CNBD1: variants seen among roughly 807,000 people sequenced by gnomAD.
CNBD1 encodes cyclic nucleotide-binding domain-containing protein 1.
In CNBD1, 71 loss-of-function variants were observed where a neutral mutation model predicts 54.4. That is an observed-to-expected ratio of 1.30 (90% CI 1.08 to 1.59). CNBD1 has a LOEUF of 1.59. CNBD1 is among the 40% of genes most tolerant of loss of function. The probability of loss-of-function intolerance (pLI) is 0.00; values close to 1 mark genes in which losing one functional copy is unlikely to be tolerated. For missense variants in CNBD1, 659 were observed against 518.0 expected (o/e 1.27, Z -2.64); for synonymous variants, 182 against 170.7 (o/e 1.07, Z -0.51).
At chr8:87,083,221 G>A (rs146637258) in intron 4 of CNBD1, among the ~76,000 whole-genome samples, 7 of 152,216 alleles carry the variant, frequency 4.6e-5, no homozygotes, top group Admixed American at 1.3e-4. Flanking sequence ...TTAAAATGGC[G>A]CTACTAAGCC....
chr8:87,408,617 A>G (rs543483580), intron 2 of CNBD1, among the ~76,000 whole-genome samples: 21 of 152,192 alleles, frequency 1.4e-4, no homozygotes, highest in African/African-American at 4.8e-4. Flanking sequence ...GTGCTTCATT[A>G]TATCATGCTT....
At chr8:87,381,018 G>A (rs1811062069) in intron 10 of CNBD1, among the ~76,000 whole-genome samples, 1 of 151,932 alleles carries the variant, frequency 6.6e-6, no homozygotes, top group Non-Finnish European at 1.5e-5. Flanking sequence ...AAAAGCACAG[G>A]CAACAAAAAC....
chr8:87,147,345 C>T (rs141905024), intron 4 of CNBD1, among the ~76,000 whole-genome samples: 2 of 152,224 alleles, frequency 1.3e-5, no homozygotes, highest in African/African-American at 4.8e-5. Flanking sequence ...CATTAGAATA[C>T]TACCTGGGCT....
chr8:87,084,148 T>C (rs1385966437), intron 4 of CNBD1, among the ~76,000 whole-genome samples: 1 of 152,258 alleles, frequency 6.6e-6, no homozygotes, highest in East Asian at 1.9e-4. Context: ...GTTTTCATGT[T>C]TCATTGTATA....
chr8:87,154,626 T>C (rs1242813364), intron 4 of CNBD1, among the ~76,000 whole-genome samples: 1 of 152,244 alleles, frequency 6.6e-6, no homozygotes, highest in East Asian at 1.9e-4. Flanking sequence ...GAGTGCTGTT[T>C]AACTTTATTT....
At chr8:87,084,981 G>A (rs1811069017) in intron 4 of CNBD1, among the ~76,000 whole-genome samples, 1 of 152,064 alleles carries the variant, frequency 6.6e-6, no homozygotes, top group Non-Finnish European at 1.5e-5. Context: ...GCCGTATTTA[G>A]TTTTCTTTTT....
chr8:87,253,545 T>C (rs969015026), intron 6 of CNBD1, among the ~76,000 whole-genome samples: 2 of 152,140 alleles, frequency 1.3e-5, no homozygotes, highest in Admixed American at 6.6e-5. Flanking sequence ...CCTACAACCT[T>C]AATAGGTAGT....
intron 4 of CNBD1, among the ~76,000 whole-genome samples, chr8:87,147,209 A>G (rs1812507861): frequency 6.6e-6 from 1 of 151,966 alleles, no homozygotes; most frequent in African/African-American, 2.4e-5. Context: ...TTTTTTCTCT[A>G]TGTGATATGT....
At chr8:87,210,268 A>G (rs766173980) in intron 5 of CNBD1, among the ~76,000 whole-genome samples, 10 of 152,222 alleles carry the variant, frequency 6.6e-5, no homozygotes, top group Non-Finnish European at 1.3e-4. Context: ...GGGAAAGCAG[A>G]GCATGAGAGT....
At chr8:87,344,863 T>C (rs1170975258) in intron 8 of CNBD1, among the ~76,000 whole-genome samples, 2 of 152,128 alleles carry the variant, frequency 1.3e-5, no homozygotes, top group Non-Finnish European at 2.9e-5. Context: ...TATAGGTAGT[T>C]AGGCAGTGTT....
At chr8:87,142,131 GA>G (rs1812383021) in intron 4 of CNBD1, among the ~76,000 whole-genome samples, 1 of 152,146 alleles carries the variant, frequency 6.6e-6, no homozygotes, top group African/African-American at 2.4e-5. Context: ...AGAGAAGAGA[GA>G]AAAAGGATAA....
chr8:86,930,121 C>G (rs544707868), intron 3 of CNBD1, among the ~76,000 whole-genome samples: 6 of 152,146 alleles, frequency 3.9e-5, no homozygotes, highest in African/African-American at 1.4e-4. Context: ...CTGGCCATCT[C>G]GCTGTATCCA....
chr8:87,008,685 A>G (rs975966468), intron 4 of CNBD1, among the ~76,000 whole-genome samples: 5 of 152,170 alleles, frequency 3.3e-5, no homozygotes, highest in African/African-American at 9.7e-5. Flanking sequence ...AGGAAACAAA[A>G]CTGAGTTGAT....
chr8:87,044,493 AAAG>A (rs1373082556), intron 4 of CNBD1: 1 of 152,150 alleles, frequency 6.6e-6, no homozygotes, highest in Non-Finnish European at 1.5e-5. Context: ...TTAATAAGCA[AAAG>A]AAGACAGCTC....
chr8:86,969,115 G>C, intron 4 of CNBD1, among the ~76,000 whole-genome samples: 1 of 151,764 alleles, frequency 6.6e-6, no homozygotes, highest in East Asian at 1.9e-4. Context: ...GTGAGTTTGG[G>C]GTCCCAAGAT....
At chr8:87,256,114 C>T (rs1217401673) in intron 6 of CNBD1, among the ~76,000 whole-genome samples, 3 of 144,732 alleles carry the variant, frequency 2.1e-5, no homozygotes, top group African/African-American at 5.1e-5. Flanking sequence ...CCTCTACCTC[C>T]TGGGTTCAAG....
intron 6 of CNBD1, among the ~76,000 whole-genome samples, chr8:87,254,924 C>CT (rs778489624): frequency 4.6e-5 from 7 of 152,074 alleles, no homozygotes; most frequent in African/African-American, 7.2e-5. Context: ...AAGCAAAATA[C>CT]TTTTTTTTCC....
At chr8:87,147,493 C>A (rs998500715) in intron 4 of CNBD1, among the ~76,000 whole-genome samples, 1 of 151,780 alleles carries the variant, frequency 6.6e-6, no homozygotes, top group Non-Finnish European at 1.5e-5. Flanking sequence ...GGCTAGTGGT[C>A]TTATCATCCA....
chr8:87,134,405 T>C (rs565823910), intron 4 of CNBD1, among the ~76,000 whole-genome samples: 55 of 152,230 alleles, frequency 3.6e-4, no homozygotes, highest in South Asian at 6.2e-4. Flanking sequence ...CACCAATATA[T>C]GTTCTTTCAG....
Sources: allele counts gnomAD v4.1 joint callset (sites outside exome capture counted in the v4.1 genomes callset), GRCh38; gene constraint gnomAD v4.1.1; transcripts MANE v1.5; gene names NCBI Gene and HGNC (gene_info 2026-07-23, HGNC 2026-07-21).